The following ADAMTS12 variants were observed in gnomAD, a reference collection of about 807,000 sequenced individuals.
ADAMTS12 encodes A disintegrin and metalloproteinase with thrombospondin motifs 12.
In ADAMTS12, 118 loss-of-function variants were observed where a neutral mutation model predicts 167.8. That is an observed-to-expected ratio of 0.70 (90% CI 0.61 to 0.82). ADAMTS12 has a LOEUF of 0.82. Among genes scored for constraint, ADAMTS12 ranks in the 40% least tolerant of loss-of-function variants. The probability of loss-of-function intolerance (pLI) is 0.00; values close to 1 mark genes in which losing one functional copy is unlikely to be tolerated. For missense variants in ADAMTS12, 1,916 were observed against 1,998.8 expected, an observed-to-expected ratio of 0.96 and a Z score of 0.79; for synonymous variants, 704 against 716.9, an observed-to-expected ratio of 0.98 and a Z score of 0.29.
intron 17 of ADAMTS12, among the ~76,000 whole-genome samples, chr5:33,594,238 T>C (rs1747798126): frequency 6.6e-6 from 1 of 152,188 alleles, no homozygotes; most frequent in Non-Finnish European, 1.5e-5. Flanking sequence ...GCTCTCATTC[T>C]CTCTTGTCTG....
chr5:33,533,375 A>G (rs1055134512), intron 23 of ADAMTS12, among the ~76,000 whole-genome samples: 5 of 152,212 alleles, frequency 3.3e-5, no homozygotes, highest in Admixed American at 2.6e-4. Flanking sequence ...AAGAGTCTCA[A>G]ATTGGTCCCT....
At chr5:33,554,895 A>G (rs1291816691) in intron 20 of ADAMTS12, among the ~76,000 whole-genome samples, 1 of 152,242 alleles carries the variant, frequency 6.6e-6, no homozygotes, top group East Asian at 1.9e-4. Flanking sequence ...CTTTCCAGCA[A>G]ATAACTTAGA....
intron 2 of ADAMTS12, among the ~76,000 whole-genome samples, chr5:33,844,553 G>A (rs1030337734): frequency 3.9e-5 from 6 of 152,052 alleles, no homozygotes; most frequent in African/African-American, 1.4e-4. Context: ...AATAAATTTT[G>A]GTCAGACCGG....
chr5:33,734,922 G>A (rs923347833), intron 3 of ADAMTS12, among the ~76,000 whole-genome samples: 14 of 152,124 alleles, frequency 9.2e-5, no homozygotes, highest in African/African-American at 2.7e-4. Flanking sequence ...ATTCCCACCC[G>A]GACATACCTT....
At chr5:33,659,300 C>T (rs948196345) in intron 6 of ADAMTS12, among the ~76,000 whole-genome samples, 1 of 152,180 alleles carries the variant, frequency 6.6e-6, no homozygotes, top group Non-Finnish European at 1.5e-5. Context: ...CAAATCCGCA[C>T]TCTCACTAGC....
rs1554028824 is a variant in ADAMTS12, at chr5:33,625,576, G to GAT, written c.2023-1227_2023-1226dup. ...TTTAATCTCTACCAACAGGGAAATA[G>GAT]ATATAAAAAATGTGAAGAATAAAGG... On this transcript the variant is annotated intron_variant, in intron 13 of 23. Transcript: ENST00000504830. 6.6e-5 allele frequency among the ~76,000 whole-genome samples: 10 copies of GAT among 152,254 alleles called. 1 individual carries two copies. The South Asian group carries it at 1.9e-3, about 28-fold the overall frequency.
intron 16 of ADAMTS12, among the ~76,000 whole-genome samples, chr5:33,600,554 A>G (rs1377683915): frequency 6.6e-6 from 1 of 152,262 alleles, no homozygotes; most frequent in East Asian, 1.9e-4. Context: ...ACTTATGGTT[A>G]AAACTATAGT....
chr5:33,696,420 C>A (rs1314588838), intron 3 of ADAMTS12, among the ~76,000 whole-genome samples: 208 of 129,876 alleles, frequency 1.6e-3, no homozygotes, highest in Non-Finnish European at 1.8e-3. Context: ...GACTCCGTCT[C>A]AAAAAAAAAA....
chr5:33,816,743 G>A (rs1469317122), intron 2 of ADAMTS12, among the ~76,000 whole-genome samples: 2 of 152,182 alleles, frequency 1.3e-5, no homozygotes, highest in African/African-American at 4.8e-5. Flanking sequence ...AAGCACAGGG[G>A]TGTCTGGGGG....
chr5:33,605,759 A>C (rs1738403601), intron 16 of ADAMTS12, among the ~76,000 whole-genome samples: 1 of 151,760 alleles, frequency 6.6e-6, no homozygotes, highest in South Asian at 2.1e-4. Context: ...ATTACTAATA[A>C]TTTTCTGGCA....
intron 16 of ADAMTS12, among the ~76,000 whole-genome samples, chr5:33,612,139 T>C (rs181255231): frequency 6.6e-6 from 1 of 152,392 alleles, no homozygotes; most frequent in East Asian, 1.9e-4. Flanking sequence ...GATATGCTGC[T>C]GTCTTTCTCC....
intron 2 of ADAMTS12, among the ~76,000 whole-genome samples, chr5:33,797,398 C>T (rs1746819194): frequency 6.6e-6 from 1 of 151,886 alleles, no homozygotes; most frequent in Non-Finnish European, 1.5e-5. Context: ...AAGTTGTGAA[C>T]AGAGTGTGTA....
chr5:33,883,101 C>G (rs1750510155), intron 1 of ADAMTS12, among the ~76,000 whole-genome samples: 1 of 152,140 alleles, frequency 6.6e-6, no homozygotes, highest in African/African-American at 2.4e-5. Context: ...TTCCCTGAAC[C>G]CTCATGCCCT....
intron 2 of ADAMTS12, among the ~76,000 whole-genome samples, chr5:33,768,761 T>G (rs948651974): frequency 5.9e-5 from 9 of 152,124 alleles, no homozygotes; most frequent in African/African-American, 2.2e-4. Context: ...TGTAGTGGCA[T>G]GATAAGAAAC....
intron 13 of ADAMTS12, among the ~76,000 whole-genome samples, chr5:33,625,865 C>A (rs1411102922): frequency 6.6e-6 from 1 of 152,142 alleles, no homozygotes; most frequent in East Asian, 1.9e-4. Context: ...AAGACATAAA[C>A]CAGTCCTCCT....
At chr5:33,820,299 A>C (rs1005399475) in intron 2 of ADAMTS12, among the ~76,000 whole-genome samples, 1 of 152,200 alleles carries the variant, frequency 6.6e-6, no homozygotes, top group Non-Finnish European at 1.5e-5. Flanking sequence ...ACAGATTTAA[A>C]TTAAACATAA....
At chr5:33,817,294 A>C (rs1454768642) in intron 2 of ADAMTS12, among the ~76,000 whole-genome samples, 1 of 152,184 alleles carries the variant, frequency 6.6e-6, no homozygotes, top group Non-Finnish European at 1.5e-5. Context: ...TAGAATTAGA[A>C]GAATCAGGTT....
At chr5:33,634,442 T>G (rs1365182313) in intron 12 of ADAMTS12, among the ~76,000 whole-genome samples, 1 of 152,152 alleles carries the variant, frequency 6.6e-6, no homozygotes, top group Non-Finnish European at 1.5e-5. Flanking sequence ...CTGCCACTCC[T>G]CAACAGATCC....
chr5:33,674,759 A>C (rs1741839775), intron 5 of ADAMTS12, among the ~76,000 whole-genome samples: 2 of 152,156 alleles, frequency 1.3e-5, no homozygotes, highest in African/African-American at 4.8e-5. Context: ...CAGGATTTTC[A>C]TGTCTTCTGC....
Sources: gnomAD v4.1 joint callset for allele counts (sites outside exome capture counted in the v4.1 genomes callset) on GRCh38, gnomAD v4.1.1 for gene constraint, MANE v1.5 for transcripts, NCBI Gene and HGNC (gene_info 2026-07-23, HGNC 2026-07-21) for gene names.